Variants in BFAR observed in about 807,000 individuals in gnomAD.
BFAR encodes bifunctional apoptosis regulator.
Under a neutral mutation model 54.4 loss-of-function variants are expected in BFAR, and 52 were observed. The observed-to-expected ratio is 0.96, with a 90% CI of 0.77 to 1.21. The LOEUF (loss-of-function observed/expected upper bound fraction) is 1.21, where lower values mean the gene tolerates loss of function less well. BFAR is among the 50% of genes most tolerant of loss of function. The pLI, the probability that BFAR is intolerant of heterozygous loss-of-function variation, is 0.00. For missense variants in BFAR, 571 were observed against 534.0 expected, an observed-to-expected ratio of 1.07 and a Z score of -0.68; for synonymous variants, 215 against 204.3, an observed-to-expected ratio of 1.05 and a Z score of -0.45.
At chr16:14,652,729 T>A (rs1463633657) in intron 4 of BFAR, among the ~76,000 whole-genome samples, 3 of 152,162 alleles carry the variant, frequency 2.0e-5, no homozygotes, top group South Asian at 2.1e-4. Flanking sequence ...GTGTTTTTTT[T>A]AATTTAAACT....
rs1959918268 is a variant in BFAR at position 14,649,901 on chromosome 16, T to G, written c.566T>G (p.Leu189Arg). Reference sequence around the variant, plus strand: ...AAATGGACGGCGGAAGAAGTTGTCCTCTGGCTGGAGCAGCTGGGCCCTTGG... The same window carrying G: ...AAATGGACGGCGGAAGAAGTTGTCCGCTGGCTGGAGCAGCTGGGCCCTTGG... ...VAKWTAEEVV[L>R]WLEQLGPWAS... Residue 189 changes from leucine to arginine, a missense_variant, in exon 4 of 8, where the codon CTC becomes CGC. Leu to Arg is a moderately radical substitution (Grantham distance 102, BLOSUM62 -2). Coordinates refer to ENST00000261658, the MANE Select transcript of BFAR (RefSeq NM_016561.3). 1 of 1,613,842 alleles carries G rather than the reference T, an allele frequency of 6.2e-7. No homozygotes were observed.
At chr16:14,652,201 C>G (rs2151840293) in intron 4 of BFAR, among the ~76,000 whole-genome samples, 1 of 151,406 alleles carries the variant, frequency 6.6e-6, no homozygotes, top group Admixed American at 6.6e-5. Context: ...CATTCTAACA[C>G]AGATTGGAAT....
At chr16:14,665,200 G>A in intron 7 of BFAR, 129 bp downstream of exon 7, 1 of 920,294 alleles carries the variant, frequency 1.1e-6, no homozygotes, top group Non-Finnish European at 1.6e-6. Flanking sequence ...ACTCTGCTTT[G>A]AGAAACCTAG....
intron 1 of BFAR, among the ~76,000 whole-genome samples, chr16:14,633,962 C>G (rs1359828564): frequency 6.6e-6 from 1 of 152,078 alleles, no homozygotes; most frequent in Non-Finnish European, 1.5e-5. Flanking sequence ...CGAGAATTGT[C>G]TTTTATTAAA....
intron 7 of BFAR, 193 bp downstream of exon 7, chr16:14,665,264 C>T: frequency 1.8e-6 from 1 of 563,568 alleles, no homozygotes; most frequent in Non-Finnish European, 3.1e-6. Context: ...GGTTGTGGTG[C>T]TCATTGTTAA....
At chr16:14,656,494 A>C (rs1002192869) in intron 5 of BFAR, among the ~76,000 whole-genome samples, 19 of 148,488 alleles carry the variant, frequency 1.3e-4, no homozygotes, top group African/African-American at 4.4e-4. Flanking sequence ...CTGTTTCAGA[A>C]AAAAAAAAAA....
At chr16:14,646,330 G>A (rs1442836217) in intron 2 of BFAR, among the ~76,000 whole-genome samples, 1 of 152,152 alleles carries the variant, frequency 6.6e-6, no homozygotes, top group Non-Finnish European at 1.5e-5. Flanking sequence ...TGGGATTATA[G>A]GCGTGAGCCA....
intron 5 of BFAR, among the ~76,000 whole-genome samples, chr16:14,659,949 T>A (rs906232562): frequency 1.3e-5 from 2 of 152,244 alleles, no homozygotes; most frequent in Admixed American, 1.3e-4. Context: ...TAGCATCAGC[T>A]AAATTGAATG....
chr16:14,640,934 C>T (rs1337035535), intron 1 of BFAR, among the ~76,000 whole-genome samples: 1 of 152,198 alleles, frequency 6.6e-6, no homozygotes, highest in African/African-American at 2.4e-5. Flanking sequence ...GTAGACCCAA[C>T]TTTTTATTCA....
chr16:14,644,849 G>T (rs187351695), intron 2 of BFAR, among the ~76,000 whole-genome samples: 2 of 151,988 alleles, frequency 1.3e-5, no homozygotes, highest in Admixed American at 6.6e-5. Flanking sequence ...TTGAAAGGTC[G>T]CACACTTGGA....
intron 1 of BFAR, among the ~76,000 whole-genome samples, chr16:14,638,780 A>G (rs894033550): frequency 1.1e-4 from 16 of 152,096 alleles, no homozygotes; most frequent in African/African-American, 3.1e-4. Flanking sequence ...CCCCATCTCT[A>G]TTAAAAATAC....
chr16:14,658,590 G>T (rs1960193310), intron 5 of BFAR, among the ~76,000 whole-genome samples: 1 of 151,968 alleles, frequency 6.6e-6, no homozygotes, highest in Admixed American at 6.6e-5. Context: ...AAAATTAGCT[G>T]GGCGTGGTGG....
chr16:14,648,883 C>T (rs763484549), intron 3 of BFAR, among the ~76,000 whole-genome samples: 62 of 151,758 alleles, frequency 4.1e-4, no homozygotes, highest in Non-Finnish European at 1.6e-4. Flanking sequence ...GTTTTTGAGA[C>T]GGACTCTTGC....
At chr16:14,657,047 G>A (rs1397080493) in intron 5 of BFAR, among the ~76,000 whole-genome samples, 1 of 150,944 alleles carries the variant, frequency 6.6e-6, no homozygotes. Flanking sequence ...AGGTTGCAGT[G>A]AGCTGAGATG....
At chr16:14,665,162 A>T in intron 7 of BFAR, 91 bp downstream of exon 7, 1 of 1,277,064 alleles carries the variant, frequency 7.8e-7, no homozygotes, top group Non-Finnish European at 1.1e-6. Flanking sequence ...CACTTGAAAT[A>T]AATCCTCCAT....
chr16:14,657,875 A>G (rs1960172897), intron 5 of BFAR, among the ~76,000 whole-genome samples: 1 of 152,156 alleles, frequency 6.6e-6, no homozygotes, highest in South Asian at 2.1e-4. Flanking sequence ...TAAATATTTC[A>G]GCATTAATCT....
At chr16:14,655,371 G>GA (rs987064043) in intron 5 of BFAR, among the ~76,000 whole-genome samples, 161 bp downstream of exon 5, 8 of 151,076 alleles carry the variant, frequency 5.3e-5, no homozygotes, top group African/African-American at 1.9e-4. Flanking sequence ...GCCCAGGCTG[G>GA]AGTGCAATGG....
intron 1 of BFAR, among the ~76,000 whole-genome samples, chr16:14,640,874 A>G (rs1355266021): frequency 1.3e-5 from 2 of 152,216 alleles, no homozygotes; most frequent in Non-Finnish European, 2.9e-5. Context: ...CACAAACGCA[A>G]GCGTGGCACA....
chr16:14,644,750 T>C lies in BFAR; in HGVS notation c.263+141T>C, dbSNP rs1363702222. On this transcript the variant is annotated intron_variant, in intron 2 of 7. Transcript: ENST00000261658. The stretch of plus-strand genomic sequence containing the variant: ...TCAAACTCCTGACCTCAAGTGATCC[T>C]CCCACTTCAGCCTCCCAAAGTGCTG... 8 of 1,077,878 alleles carry C rather than the reference T, an allele frequency of 7.4e-6. No individual in the cohort carries two copies. The East Asian group carries it at 2.0e-4, about 27-fold the overall frequency. 66.8% of individuals were successfully genotyped at this position (1,077,878 alleles called of 1,614,324 possible). A position where few individuals can be genotyped will look rare whatever the true frequency, so the allele number is the denominator to read the frequency against.
Sources: allele counts gnomAD v4.1 joint callset (sites outside exome capture counted in the v4.1 genomes callset), GRCh38; gene constraint gnomAD v4.1.1; transcripts MANE v1.5; gene names NCBI Gene and HGNC (gene_info 2026-07-23, HGNC 2026-07-21).